The following HSDL2 variants were observed in gnomAD, a reference collection of about 807,000 sequenced individuals.
HSDL2 encodes the protein hydroxysteroid dehydrogenase like 2.
HSDL2 carries 27 observed loss-of-function variants against 46.3 expected under a neutral mutation model. The ratio of observed to expected loss-of-function variants is 0.58; its 90% CI spans 0.43 to 0.80. The LOEUF (loss-of-function observed/expected upper bound fraction) is 0.80. Among genes scored for constraint, HSDL2 ranks in the 30% least tolerant of loss-of-function variants. The probability of loss-of-function intolerance (pLI) is 0.00; values close to 1 mark genes in which losing one functional copy is unlikely to be tolerated. For synonymous variants in HSDL2, 153 were observed against 163.6 expected, an observed-to-expected ratio of 0.94 and a Z score of 0.50; for missense variants, 451 against 502.7, an observed-to-expected ratio of 0.90 and a Z score of 0.98.
rs115856365 is a variant in HSDL2 at position 112,435,911 on chromosome 9, T to A, written c.599-2520T>A. Among the ~76,000 whole-genome samples, 1,209 of 151,970 alleles carry A rather than the reference T, an allele frequency of 8.0e-3. 19 individuals carry two copies. Among genetic ancestry groups the A allele is most frequent in the African/African-American group, 0.027 (1,125 of 41,364 alleles). ...CAACATTCAGCTGCTATTTTTTTTT[T>A]ATTATTAATAAAGGATCAGTTCAAG... On this transcript the variant is annotated intron_variant, in intron 6 of 10. Coordinates refer to ENST00000398805, the MANE Select transcript of HSDL2 (RefSeq NM_032303.5).
chr9:112,390,065 A>AAAATAAATAAATAAATAAATAAATAAAT (rs55985147), intron 1 of HSDL2, among the ~76,000 whole-genome samples: 1 of 143,220 alleles, frequency 7.0e-6, no homozygotes. Context: ...ACTCTGTCTC[A>AAAATAAATAAATAAATAAATAAATAAAT]AAATAAATAA....
intron 4 of HSDL2, among the ~76,000 whole-genome samples, chr9:112,415,011 A>C (rs1831960910): frequency 6.6e-6 from 1 of 152,222 alleles, no homozygotes; most frequent in Non-Finnish European, 1.5e-5. Context: ...AAGTCATTGA[A>C]TGTAAACGAA....
At chr9:112,462,612 G>A (rs998857954) in intron 10 of HSDL2, among the ~76,000 whole-genome samples, 25 of 150,262 alleles carry the variant, frequency 1.7e-4, no homozygotes, top group African/African-American at 5.4e-4. Flanking sequence ...GTGTGTGTGT[G>A]TGTGTGTGTG....
Position 112,409,043 on chromosome 9 carries a change from T to C in HSDL2, c.395+22T>C, listed in dbSNP as rs774183153. 3 of 1,358,170 alleles carry C rather than the reference T, an allele frequency of 2.2e-6. No homozygotes were observed. In the Admixed American group the frequency reaches 5.4e-5, roughly 25 times the overall value. 84.1% of individuals were successfully genotyped at this position (1,358,170 alleles called of 1,614,324 possible). On this transcript the variant is annotated intron_variant, in intron 4 of 10. Transcript: ENST00000398805. ...TTGCGTAAGTTTGCAAGAAGAGTTG[T>C]TGGGGAGGAAGTTGCGGTGTTTCTC...
At chr9:112,416,980 T>A in intron 5 of HSDL2, 36 bp downstream of exon 5, 3 of 954,434 alleles carry the variant, frequency 3.1e-6, no homozygotes, top group Non-Finnish European at 5.0e-6. Flanking sequence ...GGATGGTTTG[T>A]GCTTAATTTG....
intron 10 of HSDL2, among the ~76,000 whole-genome samples, chr9:112,466,725 C>G (rs1396644530): frequency 2.0e-5 from 3 of 151,602 alleles, no homozygotes; most frequent in Non-Finnish European, 4.4e-5. Flanking sequence ...TTTTTACTTC[C>G]AGTGTCATAT....
intron 1 of HSDL2, among the ~76,000 whole-genome samples, chr9:112,381,106 C>CACACAT (rs1831082654): frequency 9.0e-6 from 1 of 111,578 alleles, no homozygotes; most frequent in African/African-American, 3.4e-5. Flanking sequence ...CACACACACA[C>CACACAT]ACACACACAC....
At chr9:112,400,344 C>T (rs891821873) in intron 1 of HSDL2, among the ~76,000 whole-genome samples, 2 of 152,202 alleles carry the variant, frequency 1.3e-5, no homozygotes, top group Non-Finnish European at 2.9e-5. Flanking sequence ...CATGGTGGCT[C>T]ACACCTGTAA....
intron 6 of HSDL2, chr9:112,433,800 C>T (rs183592400): frequency 6.6e-6 from 1 of 152,316 alleles, no homozygotes; most frequent in Admixed American, 6.5e-5. Context: ...AGTAATCTCC[C>T]AACATTATTG....
intron 4 of HSDL2, among the ~76,000 whole-genome samples, chr9:112,412,842 G>A (rs112606235): frequency 6.6e-6 from 1 of 152,012 alleles, no homozygotes; most frequent in African/African-American, 2.4e-5. Flanking sequence ...GGTGGCTCAC[G>A]CTTGTAATCT....
At chr9:112,449,722 G>A (rs756000590) in intron 8 of HSDL2, among the ~76,000 whole-genome samples, 6 of 151,790 alleles carry the variant, frequency 4.0e-5, no homozygotes, top group Non-Finnish European at 8.8e-5. Context: ...AAAATTAGTC[G>A]GGTGTGGTGG....
At chr9:112,421,826 A>G (rs1315474846) in intron 6 of HSDL2, among the ~76,000 whole-genome samples, 1 of 152,136 alleles carries the variant, frequency 6.6e-6, no homozygotes, top group African/African-American at 2.4e-5. Flanking sequence ...CTTTCCCCTG[A>G]TTGGAGCAGC....
intron 10 of HSDL2, among the ~76,000 whole-genome samples, chr9:112,464,121 C>T (rs1021093462): frequency 6.6e-6 from 1 of 151,982 alleles, no homozygotes; most frequent in East Asian, 1.9e-4. Flanking sequence ...AATCCCAACA[C>T]TTTGGGGGGC....
At chr9:112,446,297 G>A (rs1019455697) in intron 8 of HSDL2, among the ~76,000 whole-genome samples, 8 of 152,110 alleles carry the variant, frequency 5.3e-5, no homozygotes, top group African/African-American at 1.9e-4. Context: ...GTGCAAGGCT[G>A]ACATGTGACC....
intron 9 of HSDL2, among the ~76,000 whole-genome samples, chr9:112,458,922 A>G (rs1410652724): frequency 6.6e-6 from 1 of 151,912 alleles, no homozygotes; most frequent in African/African-American, 2.4e-5. Flanking sequence ...CGGAGCTTGC[A>G]GTGAGCCGAG....
intron 1 of HSDL2, among the ~76,000 whole-genome samples, chr9:112,394,439 G>T (rs138428198): frequency 6.6e-6 from 1 of 152,202 alleles, no homozygotes; most frequent in African/African-American, 2.4e-5. Context: ...ATCCTCTTCC[G>T]CCAGAGGAGC....
At chr9:112,395,487 G>T (rs1224223963) in intron 1 of HSDL2, among the ~76,000 whole-genome samples, 1 of 152,232 alleles carries the variant, frequency 6.6e-6, no homozygotes, top group Admixed American at 6.5e-5. Context: ...CATTGAGGGA[G>T]AATTTTTTGC....
chr9:112,416,545 G>A (rs895057391), intron 4 of HSDL2, among the ~76,000 whole-genome samples: 1 of 151,364 alleles, frequency 6.6e-6, no homozygotes, highest in African/African-American at 2.4e-5. Context: ...TTGAGTCCAA[G>A]GGGTTCAAGA....
In HSDL2 at chr9:112,445,897, A is replaced by G. The variant is rs199579689; in HGVS notation, c.865+4127A>G. On this transcript the variant is annotated intron_variant, in intron 8 of 10. Transcript: ENST00000398805. ...CTGAGAAGGTACAGAAATATCATATATCCCACACATGCATTACTTCCTTCC... is the reference window on the plus strand; with the variant it reads ...CTGAGAAGGTACAGAAATATCATATGTCCCACACATGCATTACTTCCTTCC... 5.9e-5 allele frequency among the ~76,000 whole-genome samples: 9 copies of G among 152,272 alleles called. No individual in the cohort carries two copies. In the East Asian group the frequency reaches 1.2e-3, roughly 20 times the overall value.
Sources: allele counts gnomAD v4.1 joint callset (sites outside exome capture counted in the v4.1 genomes callset), GRCh38; gene constraint gnomAD v4.1.1; transcripts MANE v1.5; gene names NCBI Gene and HGNC (gene_info 2026-07-23, HGNC 2026-07-21).